The following MACF1 variants were observed in gnomAD, a reference collection of about 807,000 sequenced individuals.
The protein encoded by MACF1 is microtubule actin crosslinking factor 1.
In MACF1, 193 loss-of-function variants were observed where a neutral mutation model predicts 854.8. That is an observed-to-expected ratio of 0.23 (90% CI 0.20 to 0.25). MACF1 has a LOEUF of 0.25. MACF1 is among the 10% of genes least tolerant of loss of function. The probability of loss-of-function intolerance (pLI) is 1.00; values close to 1 mark genes in which losing one functional copy is unlikely to be tolerated. For missense variants in MACF1, 7,722 were observed against 8,929.1 expected, an observed-to-expected ratio of 0.86 and a Z score of 5.45; for synonymous variants, 3,185 against 3,226.7, an observed-to-expected ratio of 0.99 and a Z score of 0.44.
At chr1:39,094,841 G>A (rs1195475684) in intron 2 of MACF1, among the ~76,000 whole-genome samples, 1 of 152,084 alleles carries the variant, frequency 6.6e-6, no homozygotes, top group African/African-American at 2.4e-5. Flanking sequence ...GCAGGGAGCT[G>A]AGATTGTGTA....
intron 15 of MACF1, among the ~76,000 whole-genome samples, chr1:39,290,971 AGTCTCAACTTTTTTTT>A (rs1459497855): frequency 6.9e-6 from 1 of 145,848 alleles, no homozygotes; most frequent in East Asian, 2.1e-4. Flanking sequence ...CATTATGCCC[AGTCTCAACTTTTTTTT>A]TTGAGACAGA....
rs1644054806 is a variant in MACF1 at position 39,439,486 on chromosome 1, G to A, written c.18433G>A (p.Val6145Ile). 1.2e-6 allele frequency: 2 copies of A among 1,613,836 alleles called. No individual in the cohort carries two copies. The highest frequency in any genetic ancestry group is 1.7e-6 in the Non-Finnish European group (2 of 1,179,762). Residue 6145 changes from valine (V) to isoleucine (I), a missense_variant, in exon 72 of 101, where the codon GTT becomes ATT. This residue lies in a region of MACF1 where 2,807 missense variants were observed against 3,235.8 expected (regional missense o/e 0.87). Coordinates refer to ENST00000564288, the MANE Select transcript of MACF1 (RefSeq NM_001394062.1). ...TGATCCTTCCATCATCAAACAACAG[G>A]TTGAAGCTGCTGAGGTAAGAAGGAA... The part of the protein sequence containing the change: ...GIDPSIIKQQ[V>I]EAAETIKEET...
chr1:39,371,933 C>T (rs965857710), intron 51 of MACF1, among the ~76,000 whole-genome samples: 5 of 151,922 alleles, frequency 3.3e-5, no homozygotes, highest in South Asian at 2.1e-4. Context: ...CCCGTCTCAG[C>T]GCCCTGAGTC....
chr1:39,309,261 G>GTTT (rs199800653), intron 23 of MACF1, among the ~76,000 whole-genome samples: 2 of 142,966 alleles, frequency 1.4e-5, no homozygotes, highest in Non-Finnish European at 3.1e-5. Flanking sequence ...ATGTAGTTTA[G>GTTT]TTTTTTTTTT....
intron 89 of MACF1, among the ~76,000 whole-genome samples, chr1:39,456,125 A>G (rs547868468): frequency 1.3e-5 from 2 of 152,248 alleles, no homozygotes; most frequent in Admixed American, 6.5e-5. Flanking sequence ...CTTGAGGTGA[A>G]GAGTTTGAGA....
chr1:39,418,353 CAG>C (rs376640482), intron 58 of MACF1, among the ~76,000 whole-genome samples: 5 of 152,174 alleles, frequency 3.3e-5, no homozygotes, highest in Non-Finnish European at 5.9e-5. Flanking sequence ...CTTTGAAACT[CAG>C]AGAGACAAAT....
chr1:39,247,265 G>T lies in MACF1; in HGVS notation c.172-2749G>T, dbSNP rs186117285. On this transcript the variant is annotated intron_variant, in intron 2 of 100. Transcript: ENST00000564288. ...TTTTTGTATTTTTAGTAGAGACGGG[G>T]TTTCACTGTGTTAGCCAGGATGGTC... 3.8e-3 allele frequency among the ~76,000 whole-genome samples: 580 copies of T among 151,808 alleles called. 2 individuals are homozygous for T. The highest frequency in any genetic ancestry group is 6.5e-3 in the Non-Finnish European group (444 of 67,950).
Position 39,441,282 on chromosome 1 carries a change from A to G in MACF1, c.18629A>G (p.Glu6210Gly), listed in dbSNP as rs1219397278. The G allele has an allele frequency of 1.2e-6, 2 of 1,614,204 alleles. No homozygotes were observed. Among genetic ancestry groups the G allele is most frequent in the Non-Finnish European group, 1.7e-6 (2 of 1,180,024 alleles). The part of the protein sequence containing the change: ...KTWKERLEKL[E>G]DAMQAAVQYQ... ...TGGAAAGAGAGGCTAGAAAAACTTGAGGATGCTATGCAAGCTGCTGTGCAG... is the reference window on the plus strand; with the variant it reads ...TGGAAAGAGAGGCTAGAAAAACTTGGGGATGCTATGCAAGCTGCTGTGCAG... Residue 6210 changes from glutamate (E) to glycine (G), a missense_variant, in exon 74 of 101, where the codon GAG becomes GGG. Around this residue, in one of 15 missense-constraint regions of MACF1, gnomAD observed 2,807 missense variants for 3,235.8 expected, o/e 0.87. Coordinates refer to ENST00000564288, the MANE Select transcript of MACF1 (RefSeq NM_001394062.1).
chr1:39,310,942 G>T lies in MACF1; in HGVS notation c.3212G>T (p.Ser1071Ile). The part of the protein sequence containing the change: ...RVVKRIQSLA[S>I]SRTDRDAWQD... Reference sequence around the variant, plus strand: ...GTCAAACGAATTCAGTCTCTAGCCAGCTCTAGGACTGACAGAGATGCCTGG... The same window carrying T: ...GTCAAACGAATTCAGTCTCTAGCCATCTCTAGGACTGACAGAGATGCCTGG... The change falls in exon 26 of 101, where the codon AGC (serine) becomes ATC (isoleucine). Residue 1071 changes from serine (S) to isoleucine (I), a missense_variant. Transcript: ENST00000564288. The T allele has an allele frequency of 2.5e-6, 4 of 1,614,202 alleles. No individual in the cohort carries two copies. Among genetic ancestry groups the T allele is most frequent in the Non-Finnish European group, 3.4e-6 (4 of 1,180,026 alleles).
intron 56 of MACF1, among the ~76,000 whole-genome samples, chr1:39,382,675 C>G (rs6668369): frequency 0.16 from 24,347 of 148,260 alleles, 2,451 homozygotes; most frequent in Middle Eastern, 0.22. Context: ...GAGCGTGACT[C>G]CGTCTCAAAA....
intron 99 of MACF1, 26 bp from the exon 100 acceptor site, chr1:39,484,573 ATG>A: frequency 2.5e-6 from 4 of 1,601,658 alleles, no homozygotes; most frequent in Non-Finnish European, 3.4e-6. Flanking sequence ...ACCAAGTAAA[ATG>A]TGACCTTTTT....
At chr1:39,124,627 GT>G (rs1642814035) in intron 2 of MACF1, among the ~76,000 whole-genome samples, 1 of 152,174 alleles carries the variant, frequency 6.6e-6, no homozygotes, top group South Asian at 2.1e-4. Context: ...TTTGTCTGCA[GT>G]TTTATAAAGC....
chr1:39,443,453 G>C lies in MACF1; in HGVS notation c.19310G>C (p.Gly6437Ala). Residue 6437 changes from glycine to alanine, a missense_variant, in exon 79 of 101, where the codon GGC (glycine) becomes GCC (alanine). By Grantham distance (60) the Gly-to-Ala change is moderately conservative. This residue lies in a region of MACF1 where 729 missense variants were observed against 900.5 expected (regional missense o/e 0.81). Coordinates refer to ENST00000564288, the MANE Select transcript of MACF1 (RefSeq NM_001394062.1). ...ATATCTTTTTCTCAAAAGGCCCAGG[G>C]CTTCCACAGTGAAATTGAAGATTTC... is the stretch of plus-strand genomic sequence containing the variant. ...QLQSTLQQAQ[G>A]FHSEIEDFLL... 1 of 1,611,216 alleles carries C rather than the reference G, an allele frequency of 6.2e-7. No homozygotes were observed. Among genetic ancestry groups the C allele is most frequent in the South Asian group, 1.1e-5 (1 of 90,500 alleles).
At chr1:39,169,677 C>A (rs144189148) in intron 2 of MACF1, among the ~76,000 whole-genome samples, 1 of 151,886 alleles carries the variant, frequency 6.6e-6, no homozygotes, top group Non-Finnish European at 1.5e-5. Context: ...CACTTATTTT[C>A]CTAGAACACA....
intron 29 of MACF1, 62 bp downstream of exon 29, chr1:39,317,469 C>T: frequency 6.6e-7 from 1 of 1,524,074 alleles, no homozygotes; most frequent in South Asian, 1.2e-5. Flanking sequence ...TAAACAAAAA[C>T]AGAGTTATAT....
Position 39,114,143 on chromosome 1 carries a change from C to G in MACF1, c.220+29705C>G, listed in dbSNP as rs545469353. ...CCCCTACACACCCCCACCCAACAAC[C>G]ACAGAAAGCATATTGTCTAAAGCTC... On this transcript the variant is annotated intron_variant, in intron 2 of 93. Coordinates refer to the MACF1 transcript ENST00000361689. Among the ~76,000 whole-genome samples, 5 of 151,086 alleles carry G rather than the reference C, an allele frequency of 3.3e-5. No individual in the cohort carries two copies. In the South Asian group the frequency reaches 8.4e-4, roughly 25 times the overall value.
chr1:39,461,778 C>A (rs1404111988), intron 92 of MACF1, 105 bp from the exon 93 acceptor site: 22 of 882,812 alleles, frequency 2.5e-5, no homozygotes, highest in Non-Finnish European at 1.7e-6. Context: ...GGCGACAGAG[C>A]AAGACCTTGT....
chr1:39,407,205 C>T (rs1349958236), intron 58 of MACF1, among the ~76,000 whole-genome samples: 1 of 152,186 alleles, frequency 6.6e-6, no homozygotes, highest in Non-Finnish European at 1.5e-5. Flanking sequence ...CTGTGAGAAG[C>T]TCTTTGTTGG....
intron 58 of MACF1, among the ~76,000 whole-genome samples, chr1:39,394,035 A>G (rs1642171195): frequency 6.6e-6 from 1 of 152,110 alleles, no homozygotes; most frequent in African/African-American, 2.4e-5. Context: ...CACCCAAACC[A>G]GTTGGTCTTT....
Sources: gnomAD v4.1 joint callset for allele counts (sites outside exome capture counted in the v4.1 genomes callset) on GRCh38, gnomAD v4.1.1 for gene constraint, gnomAD v4.1.1 regional missense constraint, MANE v1.5 for transcripts, NCBI Gene and HGNC (gene_info 2026-07-23, HGNC 2026-07-21) for gene names.